FAM193A: variants seen among roughly 807,000 people sequenced by gnomAD.
FAM193A encodes the protein family with sequence similarity 193 member A.
Under a neutral mutation model 126.5 loss-of-function variants are expected in FAM193A, and 22 were observed. The observed-to-expected ratio is 0.17, with a 90% CI of 0.12 to 0.25. FAM193A has a LOEUF of 0.25. FAM193A is among the 10% of genes least tolerant of loss of function. The pLI, the probability that FAM193A is intolerant of heterozygous loss-of-function variation, is 1.00. For synonymous variants in FAM193A, 761 were observed against 646.8 expected (o/e 1.18, Z -2.68); for missense variants, 1,675 against 1,672.8 (o/e 1.00, Z -0.02).
intron 7 of FAM193A, among the ~76,000 whole-genome samples, chr4:2,653,519 C>G (rs1577143477): frequency 6.6e-6 from 1 of 152,236 alleles, no homozygotes; most frequent in African/African-American, 2.4e-5. Context: ...TCTTGGCTCA[C>G]TGCAACCTCT....
chr4:2,712,605 G>A (rs529956987), intron 19 of FAM193A, among the ~76,000 whole-genome samples: 2 of 152,262 alleles, frequency 1.3e-5, no homozygotes, highest in African/African-American at 4.8e-5. Context: ...GTTCTCTTGT[G>A]TGAAGCAAAC....
At chr4:2,726,487 C>G (rs2109424477) in intron 20 of FAM193A, among the ~76,000 whole-genome samples, 1 of 152,280 alleles carries the variant, frequency 6.6e-6, no homozygotes. Context: ...CTTCTCTGGC[C>G]TTGCTTCACA....
At chr4:2,597,750 C>T (rs1254816953) in intron 2 of FAM193A, among the ~76,000 whole-genome samples, 4 of 152,194 alleles carry the variant, frequency 2.6e-5, no homozygotes, top group African/African-American at 7.2e-5. Flanking sequence ...AAAAAAATAA[C>T]ATGATTTACC....
At chr4:2,623,046 C>T (rs933337553) in intron 2 of FAM193A, among the ~76,000 whole-genome samples, 1 of 152,066 alleles carries the variant, frequency 6.6e-6, no homozygotes, top group Non-Finnish European at 1.5e-5. Flanking sequence ...CCGCACTCTG[C>T]CCCCCTTCCC....
intron 12 of FAM193A, among the ~76,000 whole-genome samples, chr4:2,669,829 A>C (rs944671809): frequency 6.6e-6 from 1 of 152,128 alleles, no homozygotes; most frequent in Non-Finnish European, 1.5e-5. Flanking sequence ...TGGCTTTCTC[A>C]AGAAGGTGTT....
At chr4:2,567,015 C>G (rs1490820352) in intron 1 of FAM193A, among the ~76,000 whole-genome samples, 2 of 151,254 alleles carry the variant, frequency 1.3e-5, no homozygotes, top group East Asian at 3.9e-4. Flanking sequence ...TCTCGGCTCA[C>G]TGCAAGCTCC....
chr4:2,591,557 G>A (rs1463561116), intron 1 of FAM193A, among the ~76,000 whole-genome samples: 1 of 152,044 alleles, frequency 6.6e-6, no homozygotes, highest in African/African-American at 2.4e-5. Context: ...TTCATAGGGC[G>A]GTCTAATCTG....
chr4:2,726,454 C>T (rs1720755304), intron 20 of FAM193A, among the ~76,000 whole-genome samples: 1 of 151,694 alleles, frequency 6.6e-6, no homozygotes, highest in Non-Finnish European at 1.5e-5. Context: ...ATTTGGGTTT[C>T]AGGGAAAAAA....
intron 19 of FAM193A, among the ~76,000 whole-genome samples, chr4:2,704,110 A>G (rs2109324765): frequency 6.7e-6 from 1 of 149,964 alleles, no homozygotes; most frequent in South Asian, 2.1e-4. Context: ...TAAAAATACA[A>G]AAATCAGTTG....
intron 2 of FAM193A, among the ~76,000 whole-genome samples, chr4:2,602,959 CTTTTTTTTTTT>C (rs71178487): frequency 1.2e-4 from 5 of 42,306 alleles, no homozygotes; most frequent in Admixed American, 8.4e-4. Flanking sequence ...TGCACCCGGC[CTTTTTTTTTTT>C]TTTTTTTTTT....
chr4:2,591,895 G>C (rs1209014082), intron 1 of FAM193A, among the ~76,000 whole-genome samples: 1 of 152,162 alleles, frequency 6.6e-6, no homozygotes, highest in Non-Finnish European at 1.5e-5. Context: ...GAACTCAGCT[G>C]TTAGTAGTGT....
intron 19 of FAM193A, among the ~76,000 whole-genome samples, chr4:2,710,089 T>C (rs1718740717): frequency 6.6e-6 from 1 of 152,014 alleles, no homozygotes; most frequent in African/African-American, 2.4e-5. Context: ...TTGCTTAAGT[T>C]AATAGTTTAT....
intron 12 of FAM193A, among the ~76,000 whole-genome samples, chr4:2,668,360 C>A (rs979258563): frequency 1.3e-5 from 2 of 151,886 alleles, no homozygotes; most frequent in African/African-American, 4.8e-5. Flanking sequence ...ATTACAGATG[C>A]GCACCACCAC....
rs531638614 is a variant in FAM193A, at chr4:2,646,748, C to T, written c.1227C>T (p.Tyr409=). The change falls in exon 7 of 21, where the codon TAC becomes TAT. Residue 409 remains tyrosine (Y), a synonymous_variant. Transcript: ENST00000637812. Reference sequence around the variant, plus strand: ...CATACAGTACCTTGCTGCAGAGGTACCAGCGTTCCGAGGAGGAGCTGCGCA... The same window carrying T: ...CATACAGTACCTTGCTGCAGAGGTATCAGCGTTCCGAGGAGGAGCTGCGCA... ...EDTYSTLLQR[Y]QRSEEELRRV... is the part of the protein sequence containing the mutation. 6.8e-6 allele frequency: 11 copies of T among 1,614,088 alleles called. No homozygotes were observed. Among genetic ancestry groups the T allele is most frequent in the African/African-American group, 2.7e-5 (2 of 75,054 alleles).
At chr4:2,645,009 A>AAT (rs1389335676) in intron 6 of FAM193A, among the ~76,000 whole-genome samples, 1 of 147,800 alleles carries the variant, frequency 6.8e-6, no homozygotes, top group Admixed American at 7.0e-5. Flanking sequence ...TCCATTTCAA[A>AAT]ATATATATGT....
intron 18 of FAM193A, 142 bp downstream of exon 18, chr4:2,696,735 GAGCC>G: frequency 1.6e-6 from 1 of 630,988 alleles, no homozygotes; most frequent in East Asian, 2.8e-5. Context: ...TTTGTTCTGA[GAGCC>G]AGCCTGTCTC....
chr4:2,629,959 C>T (rs924433692), intron 4 of FAM193A, among the ~76,000 whole-genome samples: 4 of 151,900 alleles, frequency 2.6e-5, no homozygotes, highest in Non-Finnish European at 5.9e-5. Context: ...GGTGAAACCC[C>T]GTCTCTACTA....
chr4:2,730,899 A>G (rs972920114), intron 20 of FAM193A, among the ~76,000 whole-genome samples: 4 of 151,944 alleles, frequency 2.6e-5, no homozygotes, highest in African/African-American at 9.7e-5. Context: ...AAAAAAATTA[A>G]AAATTAGCTA....
chr4:2,552,928 A>G (rs1560437959), intron 1 of FAM193A, among the ~76,000 whole-genome samples: 1 of 148,370 alleles, frequency 6.7e-6, no homozygotes, highest in Non-Finnish European at 1.5e-5. Context: ...GCTCACTGCA[A>G]CCTCTGCCTC....
Sources: allele counts gnomAD v4.1 joint callset (sites outside exome capture counted in the v4.1 genomes callset), GRCh38; gene constraint gnomAD v4.1.1; transcripts MANE v1.5; gene names NCBI Gene and HGNC (gene_info 2026-07-23, HGNC 2026-07-21).